Variants in HYAL4 observed in about 807,000 individuals in gnomAD.
The protein encoded by HYAL4 is hyaluronidase 4.
Under a neutral mutation model 35.2 loss-of-function variants are expected in HYAL4, and 37 were observed. The ratio of observed to expected loss-of-function variants is 1.05; its 90% CI spans 0.81 to 1.38. The LOEUF is 1.38. Among genes scored for constraint, HYAL4 ranks in the 40% most tolerant of loss-of-function variants. HYAL4 has a pLI of 0.00. For synonymous variants in HYAL4, 198 were observed against 203.2 expected, an observed-to-expected ratio of 0.97 and a Z score of 0.22; for missense variants, 572 against 572.4, an observed-to-expected ratio of 1.00 and a Z score of 0.01.
chr7:123,869,836 C>T (rs1237213381), intron 3 of HYAL4, among the ~76,000 whole-genome samples: 4 of 141,298 alleles, frequency 2.8e-5, no homozygotes, highest in Admixed American at 2.7e-4. Context: ...TACAGGTGCT[C>T]ACCCCCCCCC....
the HYAL4 span, among the ~76,000 whole-genome samples, chr7:123,799,640 A>G: frequency 6.6e-6 from 1 of 151,576 alleles, no homozygotes; most frequent in African/African-American, 2.4e-5. Flanking sequence ...AATACAAAAA[A>G]TATATATAAA....
chr7:123,778,410 A>G, the HYAL4 span, among the ~76,000 whole-genome samples: 1 of 152,220 alleles, frequency 6.6e-6, no homozygotes, highest in African/African-American at 2.4e-5. Flanking sequence ...GTTCAATTCA[A>G]GATCACGTCT....
intron 3 of HYAL4, among the ~76,000 whole-genome samples, chr7:123,871,485 C>T (rs369312013): frequency 8.5e-5 from 13 of 152,276 alleles, no homozygotes; most frequent in African/African-American, 3.1e-4. Flanking sequence ...AGCCACTGCG[C>T]CCGGCCCCGC....
At chr7:123,818,021 G>A in the HYAL4 span, among the ~76,000 whole-genome samples, 32 of 151,836 alleles carry the variant, frequency 2.1e-4, no homozygotes, top group Non-Finnish European at 1.2e-4. Context: ...GGGATTACAG[G>A]CAGGCACCAC....
chr7:123,791,916 C>T, the HYAL4 span, among the ~76,000 whole-genome samples: 45 of 152,272 alleles, frequency 3.0e-4, no homozygotes, highest in East Asian at 1.2e-3. Flanking sequence ...AGTCCAAGCA[C>T]GTGAAGAAAT....
intron 1 of HYAL4, among the ~76,000 whole-genome samples, chr7:123,846,497 C>T (rs1276100942): frequency 6.6e-6 from 1 of 152,054 alleles, no homozygotes; most frequent in Non-Finnish European, 1.5e-5. Flanking sequence ...CCCACCTTGC[C>T]CTCTCAAACA....
chr7:123,870,700 C>G (rs183620099), intron 3 of HYAL4, among the ~76,000 whole-genome samples: 2 of 149,538 alleles, frequency 1.3e-5, no homozygotes, highest in African/African-American at 4.9e-5. Context: ...GCAGAGGTTG[C>G]AGTGAGCCGA....
the HYAL4 span, among the ~76,000 whole-genome samples, chr7:123,821,873 A>G: frequency 4.6e-5 from 7 of 152,252 alleles, no homozygotes; most frequent in East Asian, 5.8e-4. Flanking sequence ...ACAGATATCT[A>G]GTTTTCCCAA....
chr7:123,869,791 G>A (rs190960801), intron 3 of HYAL4, among the ~76,000 whole-genome samples: 349 of 151,464 alleles, frequency 2.3e-3, no homozygotes, highest in African/African-American at 8.1e-3. Flanking sequence ...GGGTTCAAGC[G>A]ATTCTCCTGC....
chr7:123,815,903 T>G, the HYAL4 span, among the ~76,000 whole-genome samples: 1 of 152,206 alleles, frequency 6.6e-6, no homozygotes, highest in South Asian at 2.1e-4. Flanking sequence ...CAATTCTTCC[T>G]AAATATTTCA....
At chr7:123,872,330 A>G (rs1034871362) in intron 3 of HYAL4, among the ~76,000 whole-genome samples, 3 of 152,232 alleles carry the variant, frequency 2.0e-5, no homozygotes. Flanking sequence ...GTGCTTTTAA[A>G]AATTAACAAC....
At chr7:123,809,666 T>A in the HYAL4 span, among the ~76,000 whole-genome samples, 2 of 152,154 alleles carry the variant, frequency 1.3e-5, no homozygotes, top group Non-Finnish European at 2.9e-5. Context: ...CCTAAAGTGC[T>A]GGTATTACTT....
chr7:123,874,920 T>C (rs1806973952), intron 4 of HYAL4, 70 bp downstream of exon 4: 4 of 897,980 alleles, frequency 4.5e-6, no homozygotes, highest in Non-Finnish European at 7.4e-6. Flanking sequence ...CTTGGAGAGC[T>C]TAATGACCTC....
intron 4 of HYAL4, among the ~76,000 whole-genome samples, chr7:123,875,547 C>T (rs911819409): frequency 2.0e-5 from 3 of 151,160 alleles, no homozygotes; most frequent in African/African-American, 7.3e-5. Flanking sequence ...ATCCCAGCTG[C>T]TCGGGAGGCT....
Position 123,877,070 on chromosome 7 carries a change from G to GCCGT in HYAL4, c.1362_1363insCGTC (p.Cys455ArgfsTer31). 1 of 1,614,188 alleles carries GCCGT rather than the reference G, an allele frequency of 6.2e-7. No homozygotes were observed. Among genetic ancestry groups the GCCGT allele is most frequent in the Non-Finnish European group, 8.5e-7 (1 of 1,180,028 alleles). On this transcript the variant is annotated frameshift_variant, in exon 5 of 5. Coordinates refer to ENST00000223026, the MANE Select transcript of HYAL4 (RefSeq NM_012269.3). LOFTEE classifies it low-confidence loss of function (END_TRUNC). ...TGCAGAGAAATAAAGACGGCTGATGGCTGCTCTGGGGTTTCCCCTTCTCCT... is the reference window on the plus strand; with the variant it reads ...TGCAGAGAAATAAAGACGGCTGATGGCCGTCTGCTCTGGGGTTTCCCCTTCTCCT...
chr7:123,819,020 G>C, the HYAL4 span, among the ~76,000 whole-genome samples: 1 of 152,042 alleles, frequency 6.6e-6, no homozygotes, highest in Non-Finnish European at 1.5e-5. Context: ...CTATACAATA[G>C]ATCTCTTGAA....
At chr7:123,772,449 A>G in the HYAL4 span, among the ~76,000 whole-genome samples, 2 of 152,194 alleles carry the variant, frequency 1.3e-5, no homozygotes, top group African/African-American at 4.8e-5. Flanking sequence ...CATCTAGACA[A>G]GTGACACATG....
chr7:123,777,652 C>T, the HYAL4 span, among the ~76,000 whole-genome samples: 21 of 152,102 alleles, frequency 1.4e-4, no homozygotes, highest in Non-Finnish European at 2.2e-4. Context: ...CACCTGATTT[C>T]GCTATATACT....
At chr7:123,851,710 T>A (rs1367820357) in intron 2 of HYAL4, among the ~76,000 whole-genome samples, 2 of 152,136 alleles carry the variant, frequency 1.3e-5, no homozygotes, top group African/African-American at 4.8e-5. Context: ...CACTTGTGGA[T>A]GTGTCTTTAT....
Sources: allele counts gnomAD v4.1 joint callset (sites outside exome capture counted in the v4.1 genomes callset), GRCh38; gene constraint gnomAD v4.1.1; transcripts MANE v1.5; gene names NCBI Gene and HGNC (gene_info 2026-07-23, HGNC 2026-07-21).